Variants in FAF1 observed in about 807,000 individuals in gnomAD.
The protein encoded by FAF1 is FAS-associated factor 1.
In FAF1, 25 loss-of-function variants were observed where a neutral mutation model predicts 92.5. The ratio of observed to expected loss-of-function variants is 0.27; its 90% confidence interval spans 0.20 to 0.38. The LOEUF (loss-of-function observed/expected upper bound fraction) is 0.38, where lower values mean the gene tolerates loss of function less well. Among genes scored for constraint, FAF1 ranks in the 10% least tolerant of loss-of-function variants. The pLI, the probability that FAF1 is intolerant of heterozygous loss-of-function variation, is 1.00. For synonymous variants in FAF1, 234 were observed against 273.2 expected, an observed-to-expected ratio of 0.86 and a Z score of 1.42; for missense variants, 636 against 793.3, an observed-to-expected ratio of 0.80 and a Z score of 2.38.
intron 15 of FAF1, among the ~76,000 whole-genome samples, chr1:50,499,809 TA>T (rs1212262657): frequency 1.3e-5 from 2 of 152,134 alleles, no homozygotes; most frequent in Non-Finnish European, 2.9e-5. Flanking sequence ...AGAAATTTGT[TA>T]CTGGTTGTGG....
At chr1:50,676,508 AC>A (rs1656128263) in intron 7 of FAF1, among the ~76,000 whole-genome samples, 1 of 151,320 alleles carries the variant, frequency 6.6e-6, no homozygotes, top group African/African-American at 2.4e-5. Flanking sequence ...TGTAACAATC[AC>A]CCTGGAATAT....
intron 18 of FAF1, among the ~76,000 whole-genome samples, chr1:50,454,513 A>G (rs1354687328): frequency 6.6e-6 from 1 of 152,220 alleles, no homozygotes; most frequent in Non-Finnish European, 1.5e-5. Flanking sequence ...CAGTGACCAT[A>G]TATGTTCATT....
chr1:50,531,758 G>A (rs1449761966), intron 15 of FAF1, among the ~76,000 whole-genome samples: 3 of 152,130 alleles, frequency 2.0e-5, no homozygotes, highest in Non-Finnish European at 1.5e-5. Context: ...AGAGCAATCA[G>A]TGATATAAAG....
intron 14 of FAF1, among the ~76,000 whole-genome samples, chr1:50,536,950 A>C (rs565473802): frequency 4.6e-5 from 7 of 152,164 alleles, no homozygotes; most frequent in Non-Finnish European, 1.0e-4. Context: ...GACAGATGAC[A>C]AAAGAAGTTT....
chr1:50,949,318 T>C (rs559127213), intron 1 of FAF1, among the ~76,000 whole-genome samples: 38 of 152,338 alleles, frequency 2.5e-4, no homozygotes, highest in African/African-American at 7.9e-4. Context: ...AAATCAGGAT[T>C]CTCCAATACT....
At chr1:50,873,739 G>A (rs1293406758) in intron 1 of FAF1, among the ~76,000 whole-genome samples, 1 of 152,164 alleles carries the variant, frequency 6.6e-6, no homozygotes, top group East Asian at 1.9e-4. Context: ...AGCCCACAAG[G>A]GCTCTCGGCA....
intron 8 of FAF1, among the ~76,000 whole-genome samples, chr1:50,626,520 T>A (rs1220130346): frequency 6.6e-6 from 1 of 152,084 alleles, no homozygotes; most frequent in Admixed American, 6.6e-5. Flanking sequence ...CTCAGACCAG[T>A]GTAGCTAGTG....
At chr1:50,526,434 A>ATTTT (rs1647809380) in intron 15 of FAF1, among the ~76,000 whole-genome samples, 1 of 150,998 alleles carries the variant, frequency 6.6e-6, no homozygotes, top group African/African-American at 2.4e-5. Context: ...CATCTCTATT[A>ATTTT]AAAATAATAA....
intron 7 of FAF1, among the ~76,000 whole-genome samples, chr1:50,659,663 C>A (rs1183988534): frequency 1.3e-5 from 2 of 152,054 alleles, no homozygotes; most frequent in African/African-American, 2.4e-5. Context: ...GTTTTACATG[C>A]AAATGTTTCA....
rs1279607133 is a variant in FAF1, at chr1:50,670,537, T to C, written c.658-15009A>G. Among the ~76,000 whole-genome samples, 4 of 152,246 alleles carry C rather than the reference T, an allele frequency of 2.6e-5. 1 individual carries two copies. Among genetic ancestry groups the C allele is most frequent in the African/African-American group, 9.6e-5 (4 of 41,468 alleles). ...TTAAACATGCTTCACTTCATTCTTA[T>C]TTCATTATAGTCCTTGAACTATAAA... is the stretch of plus-strand genomic sequence containing the variant. On this transcript the variant is annotated intron_variant, in intron 7 of 18. Coordinates refer to ENST00000396153, the MANE Select transcript of FAF1 (RefSeq NM_007051.3).
At chr1:50,959,687 A>T in intron 1 of FAF1, 80 bp downstream of exon 1, 2 of 1,288,828 alleles carry the variant, frequency 1.6e-6, no homozygotes, top group Non-Finnish European at 2.2e-6. Context: ...CAGCGTTCAA[A>T]CGCTGGGAAG....
chr1:50,499,859 A>C (rs1163020423), intron 15 of FAF1, among the ~76,000 whole-genome samples: 1 of 152,172 alleles, frequency 6.6e-6, no homozygotes, highest in Non-Finnish European at 1.5e-5. Context: ...GGACCAGCCT[A>C]TATTTCTATA....
chr1:50,585,297 T>C (rs773150076), intron 9 of FAF1, among the ~76,000 whole-genome samples: 1 of 152,214 alleles, frequency 6.6e-6, no homozygotes, highest in Non-Finnish European at 1.5e-5. Context: ...CACATTGTTA[T>C]GGATAACATG....
chr1:50,886,363 CA>C (rs1326400469), intron 1 of FAF1, among the ~76,000 whole-genome samples: 1 of 151,950 alleles, frequency 6.6e-6, no homozygotes, highest in Non-Finnish European at 1.5e-5. Context: ...ATTCCAGGGT[CA>C]AAGTTTTTTT....
intron 1 of FAF1, among the ~76,000 whole-genome samples, chr1:50,903,832 G>A (rs551644075): frequency 2.0e-5 from 3 of 152,096 alleles, no homozygotes. Flanking sequence ...TCTCCTGCTG[G>A]CTTGGTTTCC....
intron 6 of FAF1, among the ~76,000 whole-genome samples, chr1:50,717,116 T>G (rs1169401843): frequency 1.3e-5 from 2 of 152,218 alleles, no homozygotes; most frequent in African/African-American, 4.8e-5. Flanking sequence ...GGCTTCATTC[T>G]TGGAGTCAGC....
At chr1:50,620,428 T>C (rs1361335622) in intron 8 of FAF1, among the ~76,000 whole-genome samples, 4 of 152,240 alleles carry the variant, frequency 2.6e-5, no homozygotes, top group African/African-American at 7.2e-5. Context: ...GGTTCTTTCT[T>C]AAAATGACTA....
chr1:50,904,230 C>T (rs540219305), intron 1 of FAF1, among the ~76,000 whole-genome samples: 20 of 152,054 alleles, frequency 1.3e-4, no homozygotes, highest in Non-Finnish European at 2.9e-4. Flanking sequence ...TGTGGATGCA[C>T]CCTGAAGACA....
At chr1:50,931,153 C>T (rs1394243055) in intron 1 of FAF1, among the ~76,000 whole-genome samples, 1 of 152,172 alleles carries the variant, frequency 6.6e-6, no homozygotes, top group Non-Finnish European at 1.5e-5. Flanking sequence ...ACCCTATTTA[C>T]ATTTAATGTA....
Sources: allele counts gnomAD v4.1 joint callset (sites outside exome capture counted in the v4.1 genomes callset), GRCh38; gene constraint gnomAD v4.1.1; transcripts MANE v1.5; gene names NCBI Gene and HGNC (gene_info 2026-07-23, HGNC 2026-07-21).